ARHGAP26: variants seen among roughly 807,000 people sequenced by gnomAD.
The protein encoded by ARHGAP26 is rho GTPase-activating protein 26.
Under a neutral mutation model 104.8 loss-of-function variants are expected in ARHGAP26, and 38 were observed. That is an observed-to-expected ratio of 0.36 (90% confidence interval 0.28 to 0.48). The LOEUF (loss-of-function observed/expected upper bound fraction) is 0.48, where lower values mean the gene tolerates loss of function less well. ARHGAP26 is among the 20% of genes least tolerant of loss of function. The pLI is 0.99. For synonymous variants in ARHGAP26, 341 were observed against 340.0 expected (o/e 1.00, Z -0.03); for missense variants, 704 against 947.9 (o/e 0.74, Z 3.38).
chr5:142,919,300 A>G (rs1347259778), intron 10 of ARHGAP26: 1 of 398,650 alleles, frequency 2.5e-6, no homozygotes, highest in Non-Finnish European at 4.4e-6. Context: ...CTACAAGCCA[A>G]TGAACACCAA....
At chr5:142,819,797 T>G (rs1481843147) in intron 1 of ARHGAP26, among the ~76,000 whole-genome samples, 1 of 152,244 alleles carries the variant, frequency 6.6e-6, no homozygotes, top group African/African-American at 2.4e-5. Context: ...ATAATGAGTT[T>G]CTTATAAAAA....
intron 20 of ARHGAP26, among the ~76,000 whole-genome samples, chr5:143,206,711 A>G (rs1234301786): frequency 2.6e-5 from 4 of 152,216 alleles, no homozygotes; most frequent in Non-Finnish European, 5.9e-5. Flanking sequence ...CCATCTAGTT[A>G]AAAATGCAAA....
chr5:142,897,153 T>G (rs957202981), intron 6 of ARHGAP26, among the ~76,000 whole-genome samples: 1 of 152,162 alleles, frequency 6.6e-6, no homozygotes, highest in Non-Finnish European at 1.5e-5. Flanking sequence ...TAGCAAGCAG[T>G]TCAGTGACAG....
chr5:143,061,667 C>T (rs1786727074), intron 17 of ARHGAP26, among the ~76,000 whole-genome samples: 1 of 152,048 alleles, frequency 6.6e-6, no homozygotes, highest in Non-Finnish European at 1.5e-5. Flanking sequence ...ATGGCTTAAA[C>T]AATAAGGAGA....
At chr5:143,093,630 C>G (rs1791814151) in intron 17 of ARHGAP26, among the ~76,000 whole-genome samples, 1 of 152,026 alleles carries the variant, frequency 6.6e-6, no homozygotes, top group African/African-American at 2.4e-5. Context: ...CCTCCTCTCT[C>G]TCTCTGCCTC....
rs1465021110 is a variant in ARHGAP26, at chr5:142,949,227, AGAGAG to A, written c.1107+17108_1107+17112del. Among the ~76,000 whole-genome samples, 10 of 75,546 alleles carry A rather than the reference AGAGAG, an allele frequency of 1.3e-4. 1 individual carries two copies. The highest frequency in any genetic ancestry group is 3.3e-4 in the African/African-American group (4 of 11,998). 49.6% of individuals were successfully genotyped at this position (75,546 alleles called of 152,430 possible). A position where few individuals can be genotyped will look rare whatever the true frequency, so the allele number is the denominator to read the frequency against. ...AGAGAGAGAGAGAGAGAGAGGAGAG[AGAGAG>A]GAGAGAGAGAGAGAGAGAGAGAGAG... is the stretch of plus-strand genomic sequence containing the variant. On this transcript the variant is annotated intron_variant, in intron 11 of 22. Transcript: ENST00000645722.
intron 1 of ARHGAP26, among the ~76,000 whole-genome samples, chr5:142,853,578 TA>T (rs1751892963): frequency 6.6e-6 from 1 of 152,208 alleles, no homozygotes; most frequent in African/African-American, 2.4e-5. Flanking sequence ...TTCCCTTTTG[TA>T]AAAGGGATTT....
chr5:142,827,953 C>T (rs996947684), intron 1 of ARHGAP26, among the ~76,000 whole-genome samples: 16 of 152,208 alleles, frequency 1.1e-4, no homozygotes, highest in African/African-American at 3.6e-4. Context: ...TAGCCCTTTT[C>T]AGCACTTCTT....
chr5:142,834,785 C>T (rs1437235089), intron 1 of ARHGAP26, among the ~76,000 whole-genome samples: 7 of 152,242 alleles, frequency 4.6e-5, no homozygotes, highest in Non-Finnish European at 1.0e-4. Context: ...CACAAGGGAT[C>T]CAACTGTATC....
intron 19 of ARHGAP26, among the ~76,000 whole-genome samples, chr5:143,142,945 A>G (rs1798736937): frequency 6.6e-6 from 1 of 152,046 alleles, no homozygotes; most frequent in African/African-American, 2.4e-5. Context: ...TTTTTTTAAT[A>G]TAAATCTCCT....
At chr5:142,818,190 A>G (rs540868185) in intron 1 of ARHGAP26, among the ~76,000 whole-genome samples, 13 of 152,026 alleles carry the variant, frequency 8.6e-5, no homozygotes, top group African/African-American at 2.9e-4. Flanking sequence ...TGGGACCACA[A>G]AGGAGAATGC....
At chr5:143,100,570 A>C (rs1793070123) in intron 17 of ARHGAP26, among the ~76,000 whole-genome samples, 1 of 152,234 alleles carries the variant, frequency 6.6e-6, no homozygotes, top group South Asian at 2.1e-4. Flanking sequence ...TTTCAGCTTA[A>C]TCACCTCCCA....
In ARHGAP26 at chr5:142,955,095, T is replaced by TACACACACACAC. The variant is rs11419144; in HGVS notation, c.1107+22989_1107+23000dup. ...GCAGTTCAACATAGTGAGACCTGTCTACACACACACACACACACACACACA... is the reference window on the plus strand; with the variant it reads ...GCAGTTCAACATAGTGAGACCTGTCTACACACACACACACACACACACACACACACACACACA... On this transcript the variant is annotated intron_variant, in intron 11 of 22. Transcript: ENST00000645722. 1.3e-4 allele frequency among the ~76,000 whole-genome samples: 7 copies of TACACACACACAC among 52,626 alleles called. 1 individual carries two copies. In the East Asian group the frequency reaches 0.021, roughly 157 times the overall value. 34.5% of individuals were successfully genotyped at this position (52,626 alleles called of 152,430 possible).
chr5:143,006,048 C>A (rs1313871551), intron 11 of ARHGAP26, among the ~76,000 whole-genome samples: 1 of 152,202 alleles, frequency 6.6e-6, no homozygotes, highest in Non-Finnish European at 1.5e-5. Flanking sequence ...GTAGAGCTAA[C>A]ACACAGGGGT....
In ARHGAP26 at chr5:143,147,340, C is replaced by T. The variant is rs61749638; in HGVS notation, c.1947C>T (p.Asp649=). The T allele has an allele frequency of 1.3e-3, 2,035 of 1,614,018 alleles. 5 individuals carry two copies. Among genetic ancestry groups the T allele is most frequent in the Non-Finnish European group, 1.5e-3 (1,754 of 1,179,934 alleles). ...SSLQPNMNSS[D]PDLAVVKPTR... ...TACAGCCCAACATGAACTCCAGTGA[C>T]CCAGACCTGGCTGTGGTCAAACCCA... The change falls in exon 20 of 23, where the codon GAC becomes GAT. Residue 649 remains aspartate, a synonymous_variant. Transcript: ENST00000645722.
intron 17 of ARHGAP26, among the ~76,000 whole-genome samples, chr5:143,070,352 T>A (rs1473393878): frequency 6.6e-6 from 1 of 152,226 alleles, no homozygotes; most frequent in Non-Finnish European, 1.5e-5. Context: ...CAAAGAACAC[T>A]GGCAAACATG....
chr5:142,883,532 A>G (rs1383597689), intron 4 of ARHGAP26, among the ~76,000 whole-genome samples: 1 of 152,266 alleles, frequency 6.6e-6, no homozygotes, highest in East Asian at 1.9e-4. Flanking sequence ...TAAAATGGAT[A>G]TATGGTTATT....
rs747988792 is a variant in ARHGAP26, at chr5:143,222,425, G to C, written c.2259G>C (p.Glu753Asp). ...ACGGAAAGACTGGCCTCATCCCTGA[G>C]AATTACGTGGAGTTCCTCTAACCGT... ...TLNGKTGLIPENYVEFL is the reference protein window; with the variant it reads ...TLNGKTGLIPDNYVEFL The change falls in exon 23 of 23, where the codon GAG (glutamate) becomes GAC (aspartate). Residue 753 changes from glutamate (E) to aspartate (D), a missense_variant. Coordinates refer to ENST00000645722, the MANE Select transcript of ARHGAP26 (RefSeq NM_001135608.3). 11 of 1,599,778 alleles carry C rather than the reference G, an allele frequency of 6.9e-6. No individual in the cohort carries two copies. Among genetic ancestry groups the C allele is most frequent in the Non-Finnish European group, 9.4e-6 (11 of 1,169,974 alleles).
chr5:143,001,354 G>T (rs1239042203), intron 11 of ARHGAP26, among the ~76,000 whole-genome samples: 2 of 152,266 alleles, frequency 1.3e-5, no homozygotes, highest in East Asian at 1.9e-4. Context: ...GACAAATATT[G>T]AACTTTAGAT....
Sources: allele counts gnomAD v4.1 joint callset (sites outside exome capture counted in the v4.1 genomes callset), GRCh38; gene constraint gnomAD v4.1.1; transcripts MANE v1.5; gene names NCBI Gene and HGNC (gene_info 2026-07-23, HGNC 2026-07-21).